HEXA: variants seen among roughly 807,000 people sequenced by gnomAD.
The protein encoded by HEXA is hexosaminidase subunit alpha, also known as beta-hexosaminidase subunit alpha.
Under a neutral mutation model 73.3 loss-of-function variants are expected in HEXA, and 54 were observed. The ratio of observed to expected loss-of-function variants is 0.74; its 90% CI spans 0.59 to 0.92. The LOEUF (loss-of-function observed/expected upper bound fraction) is 0.92. HEXA is among the 40% of genes least tolerant of loss of function. The pLI is 0.00. For synonymous variants in HEXA, 230 were observed against 246.9 expected, an observed-to-expected ratio of 0.93 and a Z score of 0.64; for missense variants, 649 against 653.0, an observed-to-expected ratio of 0.99 and a Z score of 0.07.
chr15:72,363,568 G>T (rs149291638), intron 1 of HEXA, among the ~76,000 whole-genome samples: 4 of 152,228 alleles, frequency 2.6e-5, no homozygotes, highest in Non-Finnish European at 4.4e-5. Flanking sequence ...CCCTGAGCTG[G>T]GGCCTTCTCC....
At position 72,375,952 on chromosome 15, in the gene HEXA, C is replaced by A. The variant is rs1407480461; in HGVS notation, c.21G>T (p.Trp7Cys). 6.2e-6 allele frequency: 10 copies of A among 1,614,038 alleles called. No individual in the cohort carries two copies. Among genetic ancestry groups the A allele is most frequent in the Non-Finnish European group, 8.5e-6 (10 of 1,180,032 alleles). The change falls in exon 1 of 14, where the codon TGG becomes TGT. Residue 7 changes from tryptophan to cysteine, a missense_variant. Trp to Cys is a radical substitution (Grantham distance 215). Coordinates refer to ENST00000268097, the MANE Select transcript of HEXA (RefSeq NM_000520.6). ...ACGCTGCCGCCAGCAGCAGCGAAAA[C>A]CAAAGCCTGGAGCTTGTCATGGCCC... Reference protein sequence around the residue: MTSSRLWFSLLLAAAFA... With the variant: MTSSRLCFSLLLAAAFA...
chr15:72,375,661 A>G, intron 1 of HEXA, 59 bp downstream of exon 1: 4 of 1,602,730 alleles, frequency 2.5e-6, no homozygotes, highest in Non-Finnish European at 3.4e-6. Flanking sequence ...CCCTGGGGGA[A>G]CTGTCCCCAG....
At chr15:72,355,184 C>T in intron 3 of HEXA, 1 of 343,524 alleles carries the variant, frequency 2.9e-6, no homozygotes, top group Non-Finnish European at 5.7e-6. Flanking sequence ...TGTCAACTTC[C>T]AGGGACAATT....
At chr15:72,373,006 C>T (rs536868757) in intron 1 of HEXA, among the ~76,000 whole-genome samples, 50 of 152,152 alleles carry the variant, frequency 3.3e-4, no homozygotes, top group Non-Finnish European at 6.9e-4. Flanking sequence ...TGGCATGCTC[C>T]TGTGGTCCCA....
rs998935593 is a variant in HEXA at position 72,350,294 on chromosome 15, A to T, written c.805+224T>A. 6 of 568,424 alleles carry T rather than the reference A, an allele frequency of 1.1e-5. No homozygotes were observed. The South Asian group carries it at 1.2e-4, about 11-fold the overall frequency. The allele number at this position is 568,424 out of a possible 1,614,324, so 35.2% of individuals were successfully genotyped here. A position where few individuals can be genotyped will look rare whatever the true frequency, so the allele number is the denominator to read the frequency against. On this transcript the variant is annotated intron_variant, in intron 7 of 13. Transcript: ENST00000268097. Reference sequence around the variant, plus strand: ...ACTACCTGCAACGGCATCTGAGAAAAATGTGCCCTTACATAGTCTAACAGT... The same window carrying T: ...ACTACCTGCAACGGCATCTGAGAAATATGTGCCCTTACATAGTCTAACAGT...
chr15:72,354,873 G>C (rs1283017377), intron 3 of HEXA: 2 of 153,760 alleles, frequency 1.3e-5, no homozygotes, highest in Non-Finnish European at 2.9e-5. Context: ...AGGGCCAATA[G>C]TTTAGCCAGT....
chr15:72,346,982 G>A (rs548078225), intron 10 of HEXA, among the ~76,000 whole-genome samples: 2 of 151,988 alleles, frequency 1.3e-5, no homozygotes, highest in East Asian at 2.0e-4. Context: ...TGAGCTGAGG[G>A]AGGCAAGCAG....
chr15:72,350,762 C>G, intron 6 of HEXA, 112 bp from the exon 7 acceptor site: 1 of 1,214,032 alleles, frequency 8.2e-7, no homozygotes, highest in Non-Finnish European at 1.2e-6. Context: ...GCCCATAGCC[C>G]TTTGGTGTCA....
At chr15:72,346,755 G>T in intron 10 of HEXA, 45 bp from the exon 11 acceptor site, 2 of 1,581,272 alleles carry the variant, frequency 1.3e-6, no homozygotes, top group South Asian at 1.1e-5. Context: ...AAGCTGAGGA[G>T]ATTCCTGGGC....
chr15:72,344,093 T>C lies in HEXA; in HGVS notation c.1574A>G (p.Glu525Gly). 8 of 1,613,736 alleles carry C rather than the reference T, an allele frequency of 5.0e-6. No homozygotes were observed. Among genetic ancestry groups the C allele is most frequent in the Non-Finnish European group, 6.8e-6 (8 of 1,179,808 alleles). The change falls in exon 14 of 14, where the codon GAG (glutamate) becomes GGG (glycine). Residue 525 changes from glutamate (E) to glycine (G), a missense_variant. By Grantham distance (98) the Glu-to-Gly change is moderately conservative (BLOSUM62 -2). Transcript: ENST00000268097. ...GCCTGGGGCTCAGGTCTGTTCAAAC[T>C]CCTGCTCACAGAAGCCTACATTGAG... ...QPLNVGFCEQ[E>G]FEQT is the part of the protein sequence containing the mutation.
intron 1 of HEXA, among the ~76,000 whole-genome samples, chr15:72,365,016 G>A (rs2088897987): frequency 6.6e-6 from 1 of 151,852 alleles, no homozygotes; most frequent in Non-Finnish European, 1.5e-5. Context: ...TGTAGAGACA[G>A]GGTCTCACTA....
At chr15:72,362,648 G>A (rs28445620) in intron 1 of HEXA, among the ~76,000 whole-genome samples, 1,870 of 152,288 alleles carry the variant, frequency 0.012, 38 homozygotes, top group African/African-American at 0.042. Context: ...CTTACACAAA[G>A]TGCCTTTTCA....
At chr15:72,346,159 T>C in intron 12 of HEXA, 76 bp downstream of exon 12, 1 of 1,012,396 alleles carries the variant, frequency 9.9e-7, no homozygotes, top group Non-Finnish European at 1.6e-6. Context: ...CAGAGGTGGC[T>C]AGATGGGATT....
intron 1 of HEXA, among the ~76,000 whole-genome samples, chr15:72,367,240 C>A (rs2088929887): frequency 6.6e-6 from 1 of 152,108 alleles, no homozygotes; most frequent in Non-Finnish European, 1.5e-5. Flanking sequence ...ACCACGACCA[C>A]CAATTTAGCT....
At chr15:72,355,287 A>G in intron 3 of HEXA, 1 of 458,042 alleles carries the variant, frequency 2.2e-6, no homozygotes, top group Non-Finnish European at 4.0e-6. Flanking sequence ...GAACTTTGGG[A>G]GGCCGAGATG....
chr15:72,362,358 A>G, intron 1 of HEXA: 1 of 433,102 alleles, frequency 2.3e-6, no homozygotes, highest in Non-Finnish European at 4.7e-6. Context: ...TATGCTGTTT[A>G]TTTGTCTATC....
At chr15:72,351,840 CAG>C (rs1462411220) in intron 5 of HEXA, 3 of 112,136 alleles carry the variant, frequency 2.7e-5, no homozygotes, top group Non-Finnish European at 5.0e-5. Flanking sequence ...TTTTTTGAGA[CAG>C]AGTCTTGCTG....
intron 1 of HEXA, among the ~76,000 whole-genome samples, chr15:72,360,714 C>A (rs1310367120): frequency 6.6e-6 from 1 of 152,196 alleles, no homozygotes; most frequent in Non-Finnish European, 1.5e-5. Context: ...AGGACCTGAA[C>A]TCCAAAGGAA....
rs191330716 is a variant in HEXA, at chr15:72,348,093, C to G, written c.1028G>C (p.Gly343Ala). The change falls in exon 9 of 14, where the codon GGC (glycine) becomes GCC (alanine). Residue 343 changes from glycine (G) to alanine (A), a missense_variant. Physicochemically the swap from Gly to Ala is moderately conservative, Grantham distance 60. Transcript: ENST00000268097. ...CAGCTGCTTGAAGTCCTCACCGAAG[C>G]CTTTCTTCCTCATAAAGTCCTGGAT... is the stretch of plus-strand genomic sequence containing the variant. The part of the protein sequence containing the change: ...PEIQDFMRKK[G>A]FGEDFKQLES... 6.2e-6 allele frequency: 10 copies of G among 1,613,704 alleles called. No individual in the cohort carries two copies. The highest frequency in any genetic ancestry group is 1.6e-4 in the Middle Eastern group (1 of 6,082).
Sources: allele counts gnomAD v4.1 joint callset (sites outside exome capture counted in the v4.1 genomes callset), GRCh38; gene constraint gnomAD v4.1.1; transcripts MANE v1.5; gene names NCBI Gene and HGNC (gene_info 2026-07-23, HGNC 2026-07-21).